Variants in SCFD2 observed in about 807,000 individuals in gnomAD.
The protein encoded by SCFD2 is sec1 family domain-containing protein 2.
Under a neutral mutation model 58.9 loss-of-function variants are expected in SCFD2, and 54 were observed. The observed-to-expected ratio is 0.92, with a 90% CI of 0.74 to 1.15. The LOEUF (loss-of-function observed/expected upper bound fraction) is 1.15. Among genes scored for constraint, SCFD2 ranks in the 50% most tolerant of loss-of-function variants. The pLI is 0.00. For missense variants in SCFD2, 805 were observed against 836.6 expected, an observed-to-expected ratio of 0.96 and a Z score of 0.47; for synonymous variants, 321 against 335.9, an observed-to-expected ratio of 0.96 and a Z score of 0.49.
At position 53,145,552 on chromosome 4, in the gene SCFD2, A is replaced by T. The variant is rs1217837119; in HGVS notation, c.1342T>A (p.Leu448Ile). The T allele has an allele frequency of 6.2e-7, 1 of 1,614,012 alleles. No individual in the cohort carries two copies. Residue 448 changes from leucine to isoleucine, a missense_variant, in exon 5 of 9, where the codon TTA (leucine) becomes ATA (isoleucine). Around this residue, in one of 3 missense-constraint regions of SCFD2, gnomAD observed 633 missense variants for 646.8 expected, o/e 0.98. Transcript: ENST00000401642. ...SIGESAMSVV[L>I]NQLLPMIKPV... ...TTAATCATGGGCAGCAGCTGATTTA[A>T]CACAACGGACATTGCTGACTCCCCA...
rs1730705772 is a variant in SCFD2 at position 53,258,141 on chromosome 4, A to ATAGCATCAAGTTTTGTCAATGACTTTTTT, written c.1311+15656_1311+15684dup. Among the ~76,000 whole-genome samples the ATAGCATCAAGTTTTGTCAATGACTTTTTT allele has an allele frequency of 2.0e-5, 3 of 152,308 alleles. No homozygotes were observed. The East Asian group carries it at 5.8e-4, about 29-fold the overall frequency. ...CCCATCTTCCTGACTGCCAACCTTGATAGCATCAAGTTTTGTCAATGACTT... is the reference window on the plus strand; with the variant it reads ...CCCATCTTCCTGACTGCCAACCTTGATAGCATCAAGTTTTGTCAATGACTTTTTTTAGCATCAAGTTTTGTCAATGACTT... On this transcript the variant is annotated intron_variant, in intron 4 of 8. Coordinates refer to ENST00000401642, the MANE Select transcript of SCFD2 (RefSeq NM_152540.4).
rs79317693 is a variant in SCFD2 at position 53,189,786 on chromosome 4, A to G, written c.1312-44204T>C. Among the ~76,000 whole-genome samples the G allele has an allele frequency of 3.5e-3, 532 of 152,286 alleles. 2 individuals are homozygous for G. The highest frequency in any genetic ancestry group is 0.012 in the African/African-American group (508 of 41,568). On this transcript the variant is annotated intron_variant, in intron 4 of 8. Coordinates refer to ENST00000401642, the MANE Select transcript of SCFD2 (RefSeq NM_152540.4). ...AAAATAGACTGGAGGAGGTTACTCT[A>G]TGCTACCTCCAAGCAGATCTGTGTG...
At chr4:53,063,869 T>C (rs1005596040) in intron 5 of SCFD2, among the ~76,000 whole-genome samples, 1 of 152,130 alleles carries the variant, frequency 6.6e-6, no homozygotes, top group African/African-American at 2.4e-5. Context: ...GCAGAGTCTA[T>C]GCTTATCAGA....
At chr4:53,044,538 C>CT (rs1196526531) in intron 5 of SCFD2, among the ~76,000 whole-genome samples, 1 of 150,784 alleles carries the variant, frequency 6.6e-6, no homozygotes, top group African/African-American at 2.4e-5. Flanking sequence ...CTCTCCCTTT[C>CT]TCCTTCTATA....
At chr4:52,904,308 A>C (rs531937807) in intron 7 of SCFD2, among the ~76,000 whole-genome samples, 2 of 152,282 alleles carry the variant, frequency 1.3e-5, no homozygotes, top group East Asian at 3.9e-4. Context: ...AACTTTATTC[A>C]CCAGGCTTTG....
chr4:53,219,390 G>C (rs1256946117), intron 4 of SCFD2, among the ~76,000 whole-genome samples: 2 of 152,332 alleles, frequency 1.3e-5, no homozygotes, highest in East Asian at 3.9e-4. Context: ...CTCAACTGCT[G>C]TGCTAGCAAT....
intron 4 of SCFD2, among the ~76,000 whole-genome samples, chr4:53,187,496 T>C (rs761458697): frequency 2.9e-4 from 44 of 152,120 alleles, no homozygotes; most frequent in Non-Finnish European, 5.1e-4. Flanking sequence ...ATCACTGATA[T>C]GCACAAAGAT....
intron 7 of SCFD2, among the ~76,000 whole-genome samples, chr4:52,896,355 G>A (rs1719012631): frequency 6.6e-6 from 1 of 152,136 alleles, no homozygotes; most frequent in South Asian, 2.1e-4. Context: ...GTAAGGAAGG[G>A]ATCCAGTTTC....
intron 7 of SCFD2, among the ~76,000 whole-genome samples, chr4:52,904,992 AG>A (rs1249525241): frequency 3.9e-5 from 6 of 152,244 alleles, no homozygotes; most frequent in African/African-American, 1.2e-4. Context: ...GGCTGTCATG[AG>A]GATCAATATC....
chr4:53,270,347 T>G (rs1467489216), intron 4 of SCFD2, among the ~76,000 whole-genome samples: 1 of 151,908 alleles, frequency 6.6e-6, no homozygotes, highest in Non-Finnish European at 1.5e-5. Flanking sequence ...CAAACTAGGA[T>G]TAGGAAGAAA....
chr4:53,125,470 T>C (rs1725599966), intron 5 of SCFD2, among the ~76,000 whole-genome samples: 1 of 152,228 alleles, frequency 6.6e-6, no homozygotes, highest in South Asian at 2.1e-4. Context: ...TTCCCGTTTA[T>C]CACAGTCAAC....
chr4:53,094,609 A>G (rs1248643514), intron 5 of SCFD2, among the ~76,000 whole-genome samples: 2 of 152,100 alleles, frequency 1.3e-5, no homozygotes, highest in Admixed American at 6.6e-5. Flanking sequence ...AATTCAGCCC[A>G]TAACAAAGTA....
intron 4 of SCFD2, among the ~76,000 whole-genome samples, chr4:53,243,073 G>A (rs1729951012): frequency 6.6e-6 from 1 of 152,186 alleles, no homozygotes; most frequent in South Asian, 2.1e-4. Context: ...TATCCTCCAT[G>A]AGAACTTCCC....
intron 5 of SCFD2, among the ~76,000 whole-genome samples, chr4:53,018,928 C>T (rs949190273): frequency 4.6e-5 from 7 of 152,028 alleles, no homozygotes; most frequent in East Asian, 1.9e-4. Context: ...CAAAGCAGCC[C>T]GTAAAGCTAT....
intron 5 of SCFD2, among the ~76,000 whole-genome samples, chr4:53,034,063 A>T (rs1411411843): frequency 6.6e-6 from 1 of 152,232 alleles, no homozygotes; most frequent in Non-Finnish European, 1.5e-5. Context: ...GAAAATCCTC[A>T]ATAAAATACT....
intron 4 of SCFD2, among the ~76,000 whole-genome samples, chr4:53,196,748 G>A (rs1207818921): frequency 1.3e-5 from 2 of 151,786 alleles, no homozygotes; most frequent in South Asian, 2.1e-4. Context: ...CATAAAAAGG[G>A]GTGGGGGAAG....
At chr4:53,293,693 G>GA (rs1444689473) in intron 3 of SCFD2, among the ~76,000 whole-genome samples, 3 of 152,078 alleles carry the variant, frequency 2.0e-5, no homozygotes, top group African/African-American at 7.2e-5. Flanking sequence ...CAACTGAAAA[G>GA]TTTTTTCCCT....
At chr4:53,096,841 G>A (rs377263755) in intron 5 of SCFD2, among the ~76,000 whole-genome samples, 16 of 152,244 alleles carry the variant, frequency 1.1e-4, no homozygotes, top group South Asian at 8.3e-4. Context: ...GGTTTTTATG[G>A]TTTTAGGTCT....
At chr4:53,071,109 G>A (rs186335529) in intron 5 of SCFD2, among the ~76,000 whole-genome samples, 3 of 152,172 alleles carry the variant, frequency 2.0e-5, no homozygotes, top group Admixed American at 1.3e-4. Flanking sequence ...TTGTTGGCTC[G>A]AATGTAGATA....
Sources: gnomAD v4.1 joint callset for allele counts (sites outside exome capture counted in the v4.1 genomes callset) on GRCh38, gnomAD v4.1.1 for gene constraint, gnomAD v4.1.1 regional missense constraint, MANE v1.5 for transcripts, NCBI Gene and HGNC (gene_info 2026-07-23, HGNC 2026-07-21) for gene names.